Variants in CNNM1 observed in about 807,000 individuals in gnomAD.
The protein encoded by CNNM1 is metal transporter CNNM1.
Under a neutral mutation model 78.8 loss-of-function variants are expected in CNNM1, and 44 were observed. The observed-to-expected ratio is 0.56, with a 90% CI of 0.44 to 0.72. The LOEUF is 0.72. CNNM1 is among the 30% of genes least tolerant of loss of function. The pLI is 0.00. For synonymous variants in CNNM1, 584 were observed against 581.5 expected (o/e 1.00, Z -0.06); for missense variants, 1,101 against 1,292.2 (o/e 0.85, Z 2.27).
At position 99,390,478 on chromosome 10, in the gene CNNM1, C is replaced by T. The variant is rs78398373; in HGVS notation, c.2776+71C>T. On this transcript the variant is annotated intron_variant, in intron 10 of 10. Coordinates refer to ENST00000356713, the MANE Select transcript of CNNM1 (RefSeq NM_020348.3). The stretch of plus-strand genomic sequence containing the variant: ...GTTAGTAGGAAAAGCATGTTAGCAT[C>T]TTCCTCTTGGGGGAGGAGCCATGGA... The T allele has an allele frequency of 5.3e-4, 603 of 1,142,662 alleles. 11 individuals carry two copies. In the East Asian group the frequency reaches 0.014, roughly 27 times the overall value. The allele number at this position is 1,142,662 out of a possible 1,614,324, so 70.8% of individuals were successfully genotyped here. A position where few individuals can be genotyped will look rare whatever the true frequency, so the allele number is the denominator to read the frequency against.
intron 2 of CNNM1, among the ~76,000 whole-genome samples, chr10:99,359,485 G>A (rs17490173): frequency 0.039 from 5,939 of 152,214 alleles, 163 homozygotes; most frequent in Middle Eastern, 0.088. Flanking sequence ...GACCTCTTAC[G>A]TGATCTGGAC....
chr10:99,355,017 C>T (rs952005572), intron 1 of CNNM1, among the ~76,000 whole-genome samples: 2 of 152,136 alleles, frequency 1.3e-5, no homozygotes, highest in Middle Eastern at 3.4e-3. Context: ...GCCGTCTTTC[C>T]GATTTCGTTT....
chr10:99,363,454 A>G (rs1240733816), intron 4 of CNNM1, among the ~76,000 whole-genome samples: 3 of 152,228 alleles, frequency 2.0e-5, no homozygotes, highest in Non-Finnish European at 4.4e-5. Flanking sequence ...ATGTAGTAGC[A>G]AGAGTGTACG....
intron 6 of CNNM1, among the ~76,000 whole-genome samples, chr10:99,367,197 G>T (rs2031649413): frequency 6.6e-6 from 1 of 152,140 alleles, no homozygotes; most frequent in Non-Finnish European, 1.5e-5. Flanking sequence ...TATAGGTTGA[G>T]GGAGAGCTTA....
intron 7 of CNNM1, among the ~76,000 whole-genome samples, chr10:99,381,409 C>T (rs1375028393): frequency 8.7e-6 from 1 of 114,632 alleles, no homozygotes; most frequent in Non-Finnish European, 1.8e-5. Context: ...ACTCTGTCTT[C>T]AAAAAAAAAA....
rs1589907568 is a variant in CNNM1 at position 99,365,007 on chromosome 10, G to A, written c.2176+5G>A. The A allele has an allele frequency of 6.2e-7, 1 of 1,613,754 alleles. No individual in the cohort carries two copies. Among genetic ancestry groups the A allele is most frequent in the Non-Finnish European group, 8.5e-7 (1 of 1,179,832 alleles). ...TGGCTGGATCTTCTGTCTTTCGTAT[G>A]TATCTCTCAAACCCCTTCCTCGTCC... On this transcript the variant is annotated splice_donor_5th_base_variant and intron_variant, in intron 6 of 10. Coordinates refer to ENST00000356713, the MANE Select transcript of CNNM1 (RefSeq NM_020348.3).
intron 1 of CNNM1, among the ~76,000 whole-genome samples, chr10:99,336,529 T>C (rs924589462): frequency 1.4e-4 from 22 of 152,254 alleles, no homozygotes; most frequent in Non-Finnish European, 3.1e-4. Flanking sequence ...ATCCACTATT[T>C]GTTCCACTTA....
chr10:99,368,856 G>T (rs1449982848), intron 6 of CNNM1, among the ~76,000 whole-genome samples: 4 of 152,168 alleles, frequency 2.6e-5, no homozygotes, highest in Non-Finnish European at 5.9e-5. Context: ...GGCATTGCTG[G>T]TTCAGTGGTG....
intron 1 of CNNM1, among the ~76,000 whole-genome samples, chr10:99,350,020 A>G (rs1466141803): frequency 2.0e-5 from 3 of 152,010 alleles, no homozygotes; most frequent in South Asian, 2.1e-4. Flanking sequence ...AAAAAACACA[A>G]AAAACAGCTA....
chr10:99,372,563 A>G (rs985831117), intron 6 of CNNM1, among the ~76,000 whole-genome samples: 7 of 152,124 alleles, frequency 4.6e-5, no homozygotes, highest in Admixed American at 4.6e-4. Context: ...CACTCCCCCA[A>G]GCTGTGCCTC....
At chr10:99,343,013 T>G (rs2030522705) in intron 1 of CNNM1, among the ~76,000 whole-genome samples, 2 of 152,122 alleles carry the variant, frequency 1.3e-5, no homozygotes, top group Non-Finnish European at 2.9e-5. Context: ...TCGCCCAGGC[T>G]GGAGTGCAGT....
At chr10:99,385,728 T>C (rs942582707) in intron 7 of CNNM1, among the ~76,000 whole-genome samples, 2 of 152,234 alleles carry the variant, frequency 1.3e-5, no homozygotes, top group Non-Finnish European at 2.9e-5. Flanking sequence ...GCCCATTGGC[T>C]GATTAAAAAT....
chr10:99,377,002 C>CT, intron 6 of CNNM1, 53 bp from the exon 7 acceptor site: 2 of 757,482 alleles, frequency 2.6e-6, no homozygotes, highest in Non-Finnish European at 4.2e-6. Flanking sequence ...CCTCCCCCTT[C>CT]TTCCTCCCCA....
chr10:99,361,096 G>A, intron 3 of CNNM1, 121 bp downstream of exon 3: 1 of 1,115,532 alleles, frequency 9.0e-7, no homozygotes, highest in Non-Finnish European at 1.2e-6. Flanking sequence ...GAGAAGCACT[G>A]TTCTAGGAAG....
rs116004118 is a variant in CNNM1 at position 99,376,208 on chromosome 10, C to T, written c.2177-847C>T. Among the ~76,000 whole-genome samples the T allele has an allele frequency of 8.7e-3, 1,321 of 152,282 alleles. 22 individuals are homozygous for T. Among genetic ancestry groups the T allele is most frequent in the African/African-American group, 0.03 (1,263 of 41,562 alleles). The stretch of plus-strand genomic sequence containing the variant: ...TGCTGAGCCAGAGCCTGTGTCCTCC[C>T]TTCTAAACCACATTTCAATATCCAG... On this transcript the variant is annotated intron_variant, in intron 6 of 10. Coordinates refer to ENST00000356713, the MANE Select transcript of CNNM1 (RefSeq NM_020348.3).
intron 1 of CNNM1, among the ~76,000 whole-genome samples, chr10:99,350,983 T>A (rs1162521077): frequency 6.6e-6 from 1 of 152,206 alleles, no homozygotes; most frequent in Non-Finnish European, 1.5e-5. Context: ...TCTCCATACA[T>A]GGCCAAATGT....
intron 6 of CNNM1, among the ~76,000 whole-genome samples, chr10:99,373,924 T>TAC (rs1033303715): frequency 1.3e-5 from 2 of 152,010 alleles, no homozygotes; most frequent in East Asian, 1.9e-4. Context: ...TATACACACA[T>TAC]ACACACACAC....
chr10:99,347,061 G>GA (rs1208993142), intron 1 of CNNM1, among the ~76,000 whole-genome samples: 5 of 151,884 alleles, frequency 3.3e-5, no homozygotes, highest in Admixed American at 3.3e-4. Flanking sequence ...GAGAGGATTA[G>GA]AAAAAAATAC....
At chr10:99,335,202 A>G (rs547085280) in intron 1 of CNNM1, among the ~76,000 whole-genome samples, 1 of 152,346 alleles carries the variant, frequency 6.6e-6, no homozygotes, top group African/African-American at 2.4e-5. Context: ...TTGATAAAAC[A>G]TTTCTATATA....
Sources: gnomAD v4.1 joint callset for allele counts (sites outside exome capture counted in the v4.1 genomes callset) on GRCh38, gnomAD v4.1.1 for gene constraint, MANE v1.5 for transcripts, NCBI Gene and HGNC (gene_info 2026-07-23, HGNC 2026-07-21) for gene names.